The following KCNIP1 variants were observed in gnomAD, a reference collection of about 807,000 sequenced individuals.
KCNIP1 encodes the protein A-type potassium channel modulatory protein KCNIP1.
A neutral mutation model predicts 33.0 loss-of-function variants in KCNIP1; 18 were observed. That is an observed-to-expected ratio of 0.55 (90% CI 0.38 to 0.81). The LOEUF is 0.81. KCNIP1 is among the 30% of genes least tolerant of loss of function. The pLI is 0.00. For synonymous variants in KCNIP1, 93 were observed against 98.3 expected (o/e 0.95, Z 0.32); for missense variants, 238 against 271.6 (o/e 0.88, Z 0.87).
upstream of KCNIP1, among the ~76,000 whole-genome samples, chr5:170,502,429 G>A (rs1581247468): frequency 6.6e-6 from 1 of 152,298 alleles, no homozygotes; most frequent in East Asian, 1.9e-4. Context: ...AGCTCTCAAG[G>A]GGCCTGTATC....
At chr5:170,610,196 C>G (rs1759090956) in intron 1 of KCNIP1, among the ~76,000 whole-genome samples, 1 of 152,112 alleles carries the variant, frequency 6.6e-6, no homozygotes, top group Admixed American at 6.5e-5. Context: ...TTAACGAGCC[C>G]CCTAGGTGAT....
chr5:170,560,121 C>T (rs932358585), intron 1 of KCNIP1, among the ~76,000 whole-genome samples: 1 of 152,180 alleles, frequency 6.6e-6, no homozygotes, highest in Non-Finnish European at 1.5e-5. Flanking sequence ...CTGGGGACCT[C>T]TCAGGAAGAG....
At chr5:170,595,501 G>A (rs978882755) in intron 1 of KCNIP1, among the ~76,000 whole-genome samples, 2 of 152,204 alleles carry the variant, frequency 1.3e-5, no homozygotes, top group African/African-American at 4.8e-5. Flanking sequence ...CTGGAAGGAA[G>A]GGCTCCCTGC....
intron 1 of KCNIP1, among the ~76,000 whole-genome samples, chr5:170,509,750 G>A (rs1012104940): frequency 6.6e-6 from 1 of 152,198 alleles, no homozygotes; most frequent in African/African-American, 2.4e-5. Context: ...AGCATTGATA[G>A]TCATCTCCCC....
chr5:170,531,897 C>T (rs1197736381), intron 1 of KCNIP1, among the ~76,000 whole-genome samples: 1 of 152,086 alleles, frequency 6.6e-6, no homozygotes, highest in African/African-American at 2.4e-5. Flanking sequence ...TACAAACATC[C>T]AAGTCCTGCC....
At chr5:170,555,498 C>CA (rs1756813515) in intron 1 of KCNIP1, among the ~76,000 whole-genome samples, 1 of 152,180 alleles carries the variant, frequency 6.6e-6, no homozygotes, top group Non-Finnish European at 1.5e-5. Flanking sequence ...GCTGCAGAGT[C>CA]AGTTGCAGTG....
chr5:170,564,079 C>T (rs988992357), intron 1 of KCNIP1, among the ~76,000 whole-genome samples: 7 of 152,200 alleles, frequency 4.6e-5, no homozygotes, highest in Non-Finnish European at 1.0e-4. Context: ...GCACTGTAAA[C>T]ACATTACGAA....
At chr5:170,725,901 C>T (rs752919805) in intron 5 of KCNIP1, among the ~76,000 whole-genome samples, 2 of 152,098 alleles carry the variant, frequency 1.3e-5, no homozygotes, top group Non-Finnish European at 2.9e-5. Flanking sequence ...GGGAAAGAAC[C>T]GTGTTTTCAC....
chr5:170,539,128 C>G (rs2113373344), intron 1 of KCNIP1, among the ~76,000 whole-genome samples: 1 of 152,260 alleles, frequency 6.6e-6, no homozygotes, highest in East Asian at 1.9e-4. Context: ...AAGCCAAACT[C>G]ATCTCTAGTC....
intron 1 of KCNIP1, among the ~76,000 whole-genome samples, chr5:170,443,557 C>T (rs911845992): frequency 6.6e-6 from 1 of 152,202 alleles, no homozygotes; most frequent in East Asian, 1.9e-4. Context: ...ATTCCTTACA[C>T]ACAAAGGCAC....
chr5:170,604,517 A>T (rs1758823487), intron 1 of KCNIP1, among the ~76,000 whole-genome samples: 1 of 152,086 alleles, frequency 6.6e-6, no homozygotes, highest in African/African-American at 2.4e-5. Context: ...GGCTCATCTC[A>T]CACTTGCAGG....
At chr5:170,473,137 G>A (rs1417195464) in intron 1 of KCNIP1, among the ~76,000 whole-genome samples, 1 of 152,180 alleles carries the variant, frequency 6.6e-6, no homozygotes, top group Non-Finnish European at 1.5e-5. Flanking sequence ...CAGGAGTGAG[G>A]TGGTGTCGCA....
intron 1 of KCNIP1, chr5:170,376,000 A>G (rs945886657): frequency 6.6e-6 from 1 of 152,144 alleles, no homozygotes; most frequent in African/African-American, 2.4e-5. Flanking sequence ...GCTTCTCATC[A>G]TCTGTGAGGC....
At chr5:170,479,013 G>T (rs112819794) in intron 1 of KCNIP1, among the ~76,000 whole-genome samples, 20 of 152,278 alleles carry the variant, frequency 1.3e-4, no homozygotes, top group African/African-American at 4.8e-4. Context: ...TATCTGTCAA[G>T]AAGGCATCAA....
intron 7 of KCNIP1, among the ~76,000 whole-genome samples, chr5:170,735,309 AT>A (rs1764346039): frequency 6.6e-6 from 1 of 152,214 alleles, no homozygotes; most frequent in Admixed American, 6.5e-5. Context: ...TACACTTCTA[AT>A]TCATGGTTCA....
chr5:170,420,606 T>A (rs1408953409), intron 1 of KCNIP1: 1 of 152,066 alleles, frequency 6.6e-6, no homozygotes, highest in African/African-American at 2.4e-5. Flanking sequence ...ATCAACTGTC[T>A]ATGTTATGGG....
Position 170,413,170 on chromosome 5 carries a change from G to T in KCNIP1, c.88+59206G>T, listed in dbSNP as rs372240707. 2.7e-4 allele frequency among the ~76,000 whole-genome samples: 41 copies of T among 152,336 alleles called. No individual in the cohort carries two copies. The South Asian group carries it at 7.9e-3, about 29-fold the overall frequency. ...ACAGGACATTAGCTTGAGCACCAGA[G>T]AGCAGACCAAGGCAGGTCCTTGGTT... On this transcript the variant is annotated intron_variant, in intron 1 of 7. Coordinates refer to the KCNIP1 transcript ENST00000377360.
intron 1 of KCNIP1, among the ~76,000 whole-genome samples, chr5:170,435,750 G>C (rs924190985): frequency 3.9e-5 from 6 of 152,210 alleles, no homozygotes; most frequent in African/African-American, 1.4e-4. Context: ...ACGGAGCCCA[G>C]CAAGGTGCTC....
At chr5:170,493,422 T>A (rs1239729223) in intron 1 of KCNIP1, among the ~76,000 whole-genome samples, 3 of 152,216 alleles carry the variant, frequency 2.0e-5, no homozygotes, top group African/African-American at 7.2e-5. Flanking sequence ...GAAGGTTCCA[T>A]CCCTGGAGAT....
Sources: gnomAD v4.1 joint callset for allele counts (sites outside exome capture counted in the v4.1 genomes callset) on GRCh38, gnomAD v4.1.1 for gene constraint, MANE v1.5 for transcripts, NCBI Gene and HGNC (gene_info 2026-07-23, HGNC 2026-07-21) for gene names.